Variants in TNFRSF10B observed in about 807,000 individuals in gnomAD.
TNFRSF10B encodes the protein tumor necrosis factor receptor superfamily member 10B.
A neutral mutation model predicts 41.4 loss-of-function variants in TNFRSF10B; 35 were observed. The observed-to-expected ratio is 0.85, with a 90% confidence interval of 0.65 to 1.12. The LOEUF is 1.12. Among genes scored for constraint, TNFRSF10B ranks in the 50% most tolerant of loss-of-function variants. The pLI is 0.00. For synonymous variants in TNFRSF10B, 230 were observed against 215.5 expected (o/e 1.07, Z -0.59); for missense variants, 584 against 552.7 (o/e 1.06, Z -0.57).
chr8:23,066,569 G>A (rs2052079617), intron 1 of TNFRSF10B, among the ~76,000 whole-genome samples: 1 of 152,144 alleles, frequency 6.6e-6, no homozygotes, highest in African/African-American at 2.4e-5. Context: ...GTCACCAGAA[G>A]AGACAGAGTA....
intron 6 of TNFRSF10B, 185 bp from the exon 7 acceptor site, chr8:23,027,473 A>C: frequency 1.2e-6 from 1 of 822,924 alleles, no homozygotes; most frequent in East Asian, 2.7e-5. Context: ...TGCTGTGCTC[A>C]GGCAGACACC....
chr8:23,042,574 G>A (rs147449167), intron 2 of TNFRSF10B, among the ~76,000 whole-genome samples: 34 of 152,240 alleles, frequency 2.2e-4, no homozygotes, highest in African/African-American at 5.5e-4. Context: ...GTCTTGCTCC[G>A]GTTCAGTCCA....
At position 23,021,965 on chromosome 8, in the gene TNFRSF10B, G is replaced by A. The variant is rs1312385377; in HGVS notation, c.*706C>T. On this transcript the variant is annotated 3_prime_UTR_variant, in exon 9 of 9. Coordinates refer to ENST00000276431, the MANE Select transcript of TNFRSF10B (RefSeq NM_003842.5). ...AATAATAACATACAGAATTATAAAA[G>A]TAGAAAGGTAAGGCCAAGCATGGGG... 1 of 452,096 alleles carries A rather than the reference G, an allele frequency of 2.2e-6. No individual in the cohort carries two copies. 28.0% of individuals were successfully genotyped at this position (452,096 alleles called of 1,614,324 possible). A position where few individuals can be genotyped will look rare whatever the true frequency, so the allele number is the denominator to read the frequency against.
chr8:23,063,107 G>T (rs572193060), intron 1 of TNFRSF10B, among the ~76,000 whole-genome samples: 10 of 152,228 alleles, frequency 6.6e-5, no homozygotes, highest in African/African-American at 2.4e-4. Context: ...CCAGCACTTT[G>T]GGAGGCCAAG....
At chr8:23,033,147 G>A (rs1811927912) in intron 2 of TNFRSF10B, among the ~76,000 whole-genome samples, 1 of 152,202 alleles carries the variant, frequency 6.6e-6, no homozygotes, top group Non-Finnish European at 1.5e-5. Context: ...ATTCAAGAAT[G>A]AAGAAGAAAT....
At chr8:23,041,167 T>C (rs1488723655) in intron 2 of TNFRSF10B, among the ~76,000 whole-genome samples, 1 of 151,718 alleles carries the variant, frequency 6.6e-6, no homozygotes, top group Non-Finnish European at 1.5e-5. Context: ...CAAGCGATTC[T>C]CCTGCCTCAG....
In TNFRSF10B at chr8:23,027,291, G is replaced by T; in HGVS notation, c.781-3C>A. On this transcript the variant is annotated splice_polypyrimidine_tract_variant and splice_region_variant and intron_variant, in intron 6 of 8. Coordinates refer to ENST00000276431, the MANE Select transcript of TNFRSF10B (RefSeq NM_003842.5). ...TCAGCCCCAGGTCGTTGTGAGCTCT[G>T]GAAAAAGACATTGGGAAGGCAAAAA... 1 of 1,614,046 alleles carries T rather than the reference G, an allele frequency of 6.2e-7. No individual in the cohort carries two copies. Among genetic ancestry groups the T allele is most frequent in the Non-Finnish European group, 8.5e-7 (1 of 1,180,026 alleles).
chr8:23,020,595 G>C lies in TNFRSF10B; in HGVS notation c.*2076C>G. The C allele has an allele frequency of 6.7e-6, 3 of 450,072 alleles. No homozygotes were observed. The highest frequency in any genetic ancestry group is 4.7e-5 in the South Asian group (3 of 64,286). The allele number at this position is 450,072 out of a possible 1,614,324, so 27.9% of individuals were successfully genotyped here. A position where few individuals can be genotyped will look rare whatever the true frequency, so the allele number is the denominator to read the frequency against. ...CAATCCCAGCTACTCCGGAGGCTGAGGCACGAGAATCGCTTGAACCCAGGA... is the reference window on the plus strand; with the variant it reads ...CAATCCCAGCTACTCCGGAGGCTGACGCACGAGAATCGCTTGAACCCAGGA... On this transcript the variant is annotated 3_prime_UTR_variant, in exon 9 of 9. Transcript: ENST00000276431.
chr8:23,057,628 C>G (rs1343349435), intron 1 of TNFRSF10B, among the ~76,000 whole-genome samples: 1 of 151,582 alleles, frequency 6.6e-6, no homozygotes, highest in Admixed American at 6.6e-5. Flanking sequence ...AGACAAGTTT[C>G]TCTATTTTGG....
At chr8:23,057,511 C>A (rs1336556319) in intron 1 of TNFRSF10B, among the ~76,000 whole-genome samples, 2 of 150,034 alleles carry the variant, frequency 1.3e-5, no homozygotes, top group South Asian at 2.1e-4. Flanking sequence ...CGGCTCACTG[C>A]AACCTCCGCC....
chr8:23,026,493 GT>G (rs1165885607), intron 7 of TNFRSF10B, among the ~76,000 whole-genome samples: 1 of 152,134 alleles, frequency 6.6e-6, no homozygotes, highest in Non-Finnish European at 1.5e-5. Flanking sequence ...TTATATTGCT[GT>G]ATGTTAAAAA....
At chr8:23,043,282 A>T in intron 1 of TNFRSF10B, 39 bp from the exon 2 acceptor site, 2 of 1,540,864 alleles carry the variant, frequency 1.3e-6, no homozygotes, top group South Asian at 2.3e-5. Flanking sequence ...AGTGGCTTCC[A>T]GACCTCACCC....
chr8:23,023,809 C>T (rs1811618130), intron 8 of TNFRSF10B, among the ~76,000 whole-genome samples: 1 of 152,196 alleles, frequency 6.6e-6, no homozygotes, highest in African/African-American at 2.4e-5. Context: ...GTTTACACAA[C>T]AGCTCTGCAA....
At chr8:23,044,390 G>A (rs1028361030) in intron 1 of TNFRSF10B, among the ~76,000 whole-genome samples, 7 of 152,124 alleles carry the variant, frequency 4.6e-5, no homozygotes, top group Admixed American at 1.3e-4. Flanking sequence ...CAACCCACAG[G>A]AAGAGGAAAA....
intron 2 of TNFRSF10B, among the ~76,000 whole-genome samples, chr8:23,034,209 A>G (rs1180259182): frequency 6.6e-6 from 1 of 152,200 alleles, no homozygotes; most frequent in Non-Finnish European, 1.5e-5. Context: ...TTATGTTGTC[A>G]TTACTCAAAC....
At chr8:23,052,662 TAA>T (rs1812560177) in intron 1 of TNFRSF10B, among the ~76,000 whole-genome samples, 1 of 152,142 alleles carries the variant, frequency 6.6e-6, no homozygotes, top group African/African-American at 2.4e-5. Context: ...AACCAGGAAA[TAA>T]GAGAGATATA....
intron 1 of TNFRSF10B, among the ~76,000 whole-genome samples, chr8:23,052,059 C>T (rs1379264223): frequency 4.0e-5 from 6 of 151,820 alleles, no homozygotes; most frequent in African/African-American, 1.5e-4. Context: ...TGGTGGTTTC[C>T]TAACTTTAAT....
intron 3 of TNFRSF10B, among the ~76,000 whole-genome samples, chr8:23,030,332 A>C (rs1457847656): frequency 6.6e-6 from 1 of 152,236 alleles, no homozygotes; most frequent in East Asian, 1.9e-4. Flanking sequence ...TTAATTATTG[A>C]GACAGGGTTT....
chr8:23,023,352 G>A (rs1811602191), intron 8 of TNFRSF10B, among the ~76,000 whole-genome samples: 1 of 152,202 alleles, frequency 6.6e-6, no homozygotes, highest in African/African-American at 2.4e-5. Context: ...TGCCTGGGCT[G>A]CGCTTGTCAT....
Sources: allele counts gnomAD v4.1 joint callset (sites outside exome capture counted in the v4.1 genomes callset), GRCh38; gene constraint gnomAD v4.1.1; transcripts MANE v1.5; gene names NCBI Gene and HGNC (gene_info 2026-07-23, HGNC 2026-07-21).